The following CACNA2D3 variants were observed in gnomAD, a reference collection of about 807,000 sequenced individuals.
CACNA2D3 encodes calcium voltage-gated channel auxiliary subunit alpha2delta 3.
A neutral mutation model predicts 160.6 loss-of-function variants in CACNA2D3; 60 were observed. That is an observed-to-expected ratio of 0.37 (90% CI 0.30 to 0.46). The LOEUF (loss-of-function observed/expected upper bound fraction) is 0.46, where lower values mean the gene tolerates loss of function less well. Among genes scored for constraint, CACNA2D3 ranks in the 20% least tolerant of loss-of-function variants. The probability of loss-of-function intolerance (pLI) is 1.00; values close to 1 mark genes in which losing one functional copy is unlikely to be tolerated. For synonymous variants in CACNA2D3, 558 were observed against 492.9 expected (o/e 1.13, Z -1.75); for missense variants, 1,205 against 1,365.0 (o/e 0.88, Z 1.85).
chr3:55,039,318 G>A (rs1042611868), intron 35 of CACNA2D3, among the ~76,000 whole-genome samples: 5 of 152,006 alleles, frequency 3.3e-5, no homozygotes, highest in Non-Finnish European at 5.9e-5. Flanking sequence ...GATTGACTAC[G>A]GGGAAAAGAC....
At chr3:54,244,812 A>G (rs570218399) in intron 2 of CACNA2D3, among the ~76,000 whole-genome samples, 5 of 152,382 alleles carry the variant, frequency 3.3e-5, no homozygotes, top group African/African-American at 1.2e-4. Flanking sequence ...CTGTCTATAC[A>G]TAGGTTTAAA....
At chr3:54,326,123 G>C (rs530689922) in intron 3 of CACNA2D3, among the ~76,000 whole-genome samples, 29 of 152,182 alleles carry the variant, frequency 1.9e-4, no homozygotes, top group Non-Finnish European at 3.5e-4. Context: ...TCCACCGATA[G>C]GGGTTTATCT....
intron 21 of CACNA2D3, among the ~76,000 whole-genome samples, chr3:54,883,783 C>CCATAGTTACAA: frequency 6.7e-6 from 1 of 149,514 alleles, no homozygotes; most frequent in Admixed American, 6.7e-5. Context: ...TTCCTGACCT[C>CCATAGTTACAA]CATAGTTACA....
intron 2 of CACNA2D3, among the ~76,000 whole-genome samples, chr3:54,265,565 G>A (rs138305672): frequency 3.6e-5 from 5 of 139,548 alleles, no homozygotes; most frequent in Non-Finnish European, 6.2e-5. Context: ...TGTATAGTGT[G>A]TATATATATA....
intron 4 of CACNA2D3, among the ~76,000 whole-genome samples, chr3:54,496,566 T>G (rs1048474744): frequency 6.6e-6 from 1 of 152,202 alleles, no homozygotes; most frequent in African/African-American, 2.4e-5. Flanking sequence ...ATGTGTGTAT[T>G]ACGAATACTT....
chr3:55,033,733 T>A lies in CACNA2D3; in HGVS notation c.2987+15416T>A, dbSNP rs920446651. On this transcript the variant is annotated intron_variant, in intron 35 of 37. Transcript: ENST00000474759. ...AATATATATTATATATTAAATATATTTTATATAATATATATTATATTAAAT... is the reference window on the plus strand; with the variant it reads ...AATATATATTATATATTAAATATATATTATATAATATATATTATATTAAAT... Among the ~76,000 whole-genome samples, 14 of 118,690 alleles carry A rather than the reference T, an allele frequency of 1.2e-4. No individual in the cohort carries two copies. The East Asian group carries it at 1.6e-3, about 14-fold the overall frequency. 77.9% of individuals were successfully genotyped at this position (118,690 alleles called of 152,430 possible). A position where few individuals can be genotyped will look rare whatever the true frequency, so the allele number is the denominator to read the frequency against.
At chr3:54,348,250 T>C (rs1252585605) in intron 3 of CACNA2D3, among the ~76,000 whole-genome samples, 4 of 152,214 alleles carry the variant, frequency 2.6e-5, no homozygotes, top group Non-Finnish European at 4.4e-5. Context: ...TTTTTGGAAT[T>C]TGGCCCTTGT....
chr3:54,474,218 A>G (rs1463655900), intron 4 of CACNA2D3, among the ~76,000 whole-genome samples: 1 of 152,228 alleles, frequency 6.6e-6, no homozygotes, highest in East Asian at 1.9e-4. Flanking sequence ...CTATGCAGCC[A>G]TTAAAAAGGA....
intron 31 of CACNA2D3, among the ~76,000 whole-genome samples, chr3:55,003,678 A>G (rs891201457): frequency 3.3e-5 from 5 of 152,158 alleles, no homozygotes; most frequent in South Asian, 2.1e-4. Flanking sequence ...AATAATTTCA[A>G]TGGAAATTGA....
chr3:54,146,713 A>C (rs1291157880), intron 2 of CACNA2D3, among the ~76,000 whole-genome samples: 1 of 152,222 alleles, frequency 6.6e-6, no homozygotes, highest in Non-Finnish European at 1.5e-5. Context: ...ATGTGCACAG[A>C]ACGTCTTAGG....
At chr3:54,982,128 G>T (rs1446476771) in intron 29 of CACNA2D3, among the ~76,000 whole-genome samples, 2 of 152,144 alleles carry the variant, frequency 1.3e-5, no homozygotes, top group African/African-American at 4.8e-5. Flanking sequence ...TCCTGTACAT[G>T]CCTTATCCTG....
intron 2 of CACNA2D3, among the ~76,000 whole-genome samples, chr3:54,124,452 TGA>T (rs1699546304): frequency 6.6e-6 from 1 of 152,222 alleles, no homozygotes; most frequent in South Asian, 2.1e-4. Context: ...AGTATTCTCT[TGA>T]TGATAGAAAA....
chr3:54,734,812 A>G (rs1486144033), intron 11 of CACNA2D3, among the ~76,000 whole-genome samples: 2 of 152,216 alleles, frequency 1.3e-5, no homozygotes, highest in Admixed American at 6.5e-5. Flanking sequence ...GGGCTATTAC[A>G]TAACAAAAGA....
intron 1 of CACNA2D3, 95 bp from the exon 2 acceptor site, chr3:54,123,418 C>T: frequency 1.2e-6 from 1 of 859,982 alleles, no homozygotes; most frequent in Non-Finnish European, 2.0e-6. Flanking sequence ...TCGCACTGCT[C>T]CTTCAGCCAT....
chr3:54,959,846 C>T (rs181423830), intron 27 of CACNA2D3, among the ~76,000 whole-genome samples: 41 of 152,136 alleles, frequency 2.7e-4, no homozygotes, highest in African/African-American at 8.4e-4. Flanking sequence ...ATGCTAGCTC[C>T]GGCAGCCTGG....
intron 2 of CACNA2D3, among the ~76,000 whole-genome samples, chr3:54,234,843 C>T (rs1701844359): frequency 1.3e-5 from 2 of 152,232 alleles, no homozygotes; most frequent in East Asian, 3.9e-4. Flanking sequence ...GAACAACAGA[C>T]ACTGGAACCT....
intron 34 of CACNA2D3, among the ~76,000 whole-genome samples, chr3:55,013,333 C>G (rs1034417869): frequency 1.5e-4 from 23 of 152,210 alleles, no homozygotes; most frequent in Admixed American, 1.2e-3. Flanking sequence ...AGAGCTGCAG[C>G]TACTGCACTG....
chr3:54,408,935 A>T (rs185015975), intron 4 of CACNA2D3, among the ~76,000 whole-genome samples: 7 of 152,324 alleles, frequency 4.6e-5, no homozygotes, highest in Admixed American at 4.6e-4. Flanking sequence ...ATAGGCATGT[A>T]AGCAAATGGC....
At chr3:54,825,655 T>A (rs908909193) in intron 14 of CACNA2D3, among the ~76,000 whole-genome samples, 6 of 152,214 alleles carry the variant, frequency 3.9e-5, no homozygotes, top group Admixed American at 6.5e-5. Flanking sequence ...GCCAGTATCT[T>A]AAAGAGATAA....
Sources: allele counts gnomAD v4.1 joint callset (sites outside exome capture counted in the v4.1 genomes callset), GRCh38; gene constraint gnomAD v4.1.1; transcripts MANE v1.5; gene names NCBI Gene and HGNC (gene_info 2026-07-23, HGNC 2026-07-21).